The following ACOT11 variants were observed in gnomAD, a reference collection of about 807,000 sequenced individuals.
The protein encoded by ACOT11 is acyl-CoA thioesterase 11.
In ACOT11, 69 loss-of-function variants were observed where a neutral mutation model predicts 77.5. That is an observed-to-expected ratio of 0.89 (90% confidence interval 0.73 to 1.09). The LOEUF (loss-of-function observed/expected upper bound fraction) is 1.09. Ranked by LOEUF, ACOT11 falls within the 50% of genes least tolerant of loss-of-function variation. The pLI, the probability that ACOT11 is intolerant of heterozygous loss-of-function variation, is 0.00. For missense variants in ACOT11, 766 were observed against 813.7 expected (o/e 0.94, Z 0.71); for synonymous variants, 279 against 313.0 (o/e 0.89, Z 1.15).
intron 6 of ACOT11, among the ~76,000 whole-genome samples, chr1:54,595,608 C>T (rs77017847): frequency 0.014 from 2,196 of 152,260 alleles, 41 homozygotes; most frequent in East Asian, 0.059. Context: ...TTATTTAGCT[C>T]CTGAAAAGGG....
rs979519263 is a variant in ACOT11 at position 54,633,273 on chromosome 1, A to T, written c.1783-1415A>T. On this transcript the variant is annotated intron_variant, in intron 16 of 16. Coordinates refer to the ACOT11 transcript ENST00000371316. The stretch of plus-strand genomic sequence containing the variant: ...TTTTAGAGAAATTAGTTGCTGAACA[A>T]TTAGAAAATGGGCACATAACTCCAA... 3.9e-5 allele frequency among the ~76,000 whole-genome samples: 6 copies of T among 152,254 alleles called. No individual in the cohort carries two copies. In the South Asian group the frequency reaches 8.3e-4, roughly 21 times the overall value.
intron 3 of ACOT11, among the ~76,000 whole-genome samples, chr1:54,588,005 G>A (rs1300787135): frequency 2.0e-5 from 3 of 152,108 alleles, no homozygotes. Flanking sequence ...TTGAGCTCAG[G>A]AGTTTGAGAC....
In ACOT11 at chr1:54,607,364, G is replaced by GC; in HGVS notation, c.1502+100dup. 1 of 1,559,184 alleles carries GC rather than the reference G, an allele frequency of 6.4e-7. No homozygotes were observed. The highest frequency in any genetic ancestry group is 8.7e-7 in the Non-Finnish European group (1 of 1,148,112). ...GGAAGGGCATCAGCCTGGAGCCAGA[G>GC]CTCTGCTTCCCATTGGCTGTGGGGC... On this transcript the variant is annotated intron_variant, in intron 14 of 15. Coordinates refer to ENST00000343744, the MANE Select transcript of ACOT11 (RefSeq NM_147161.4). This position sits in a 1 kb window ranked among gnomAD's most constrained non-coding sequence, Gnocchi z 4.5.
intron 1 of ACOT11, among the ~76,000 whole-genome samples, chr1:54,583,073 G>A (rs1416621575): frequency 1.3e-5 from 2 of 152,156 alleles, no homozygotes; most frequent in African/African-American, 4.8e-5. Flanking sequence ...TGCCTTGGCA[G>A]TGGTTACCAT....
rs528025715 is a variant in ACOT11, at chr1:54,597,314, G to A, written c.663G>A (p.Glu221=). ...RMVPAEKTRV[E]SVELVLPPHA... is the part of the protein sequence containing the mutation. Reference sequence around the variant, plus strand: ...TGCCGGCTGAGAAGACCCGTGTGGAGAGTGTGGAGCTGGTCCTGCCTCCCC... The same window carrying A: ...TGCCGGCTGAGAAGACCCGTGTGGAAAGTGTGGAGCTGGTCCTGCCTCCCC... The change falls in exon 7 of 16, where the codon GAG becomes GAA. Residue 221 remains glutamate, a synonymous_variant. Coordinates refer to ENST00000343744, the MANE Select transcript of ACOT11 (RefSeq NM_147161.4). 6.2e-7 allele frequency: 1 copy of A among 1,613,858 alleles called. No homozygotes were observed. Among genetic ancestry groups the A allele is most frequent in the South Asian group, 1.1e-5 (1 of 91,078 alleles).
intron 7 of ACOT11, chr1:54,598,387 C>A (rs1643914120): frequency 6.6e-6 from 1 of 152,360 alleles, no homozygotes; most frequent in Admixed American, 6.5e-5. Flanking sequence ...TTCTTCTGTC[C>A]CCTCAAACTT....
In ACOT11 at chr1:54,616,186, A is replaced by G. The variant is rs746382735; in HGVS notation, c.1629+8118A>G. 1.5e-5 allele frequency: 24 copies of G among 1,603,260 alleles called. No homozygotes were observed. The African/African-American group carries it at 2.1e-4, about 14-fold the overall frequency. ...CTGTGATGTTGCCTGTGGAAGGGGCAACAACTCAGTGAGTTCCTTTTTTTA... is the reference window on the plus strand; with the variant it reads ...CTGTGATGTTGCCTGTGGAAGGGGCGACAACTCAGTGAGTTCCTTTTTTTA... On this transcript the variant is annotated intron_variant, in intron 15 of 16. Coordinates refer to the ACOT11 transcript ENST00000371316.
chr1:54,591,943 AT>A (rs1654726878), intron 3 of ACOT11, among the ~76,000 whole-genome samples: 1 of 152,178 alleles, frequency 6.6e-6, no homozygotes, highest in Non-Finnish European at 1.5e-5. Flanking sequence ...TTCTTTAAAC[AT>A]TTCCTTTTCT....
chr1:54,548,600 G>A (rs751430005), intron 1 of ACOT11: 36 of 571,706 alleles, frequency 6.3e-5, no homozygotes, highest in African/African-American at 1.7e-4. Flanking sequence ...AGCAAGTGTC[G>A]GCCTCTGGAA....
downstream of ACOT11, among the ~76,000 whole-genome samples, chr1:54,612,249 A>G (rs1050085547): frequency 6.6e-6 from 1 of 151,802 alleles, no homozygotes; most frequent in Non-Finnish European, 1.5e-5. Flanking sequence ...GTGTCTTGGT[A>G]TAAATATTTT....
At chr1:54,614,992 G>T, downstream of ACOT11, 1 of 852,068 alleles carries the variant, frequency 1.2e-6, no homozygotes, top group Non-Finnish European at 1.8e-6. Context: ...AGGGCGGAAG[G>T]ACCAGCACCA....
At position 54,584,975 on chromosome 1, in the gene ACOT11, G is replaced by A; in HGVS notation, c.241+113G>A. ...AGTGCCACACTTGTTTCTCATCTTG[G>A]CCTTTGCTCATGCTGGTCCCTTTGT... is the stretch of plus-strand genomic sequence containing the variant. On this transcript the variant is annotated intron_variant, in intron 2 of 15. Transcript: ENST00000343744. The surrounding 1 kb of genome is among the most constrained non-coding windows in gnomAD (Gnocchi z 6.3). 2.5e-6 allele frequency: 3 copies of A among 1,191,194 alleles called. No homozygotes were observed. The highest frequency in any genetic ancestry group is 3.5e-6 in the Non-Finnish European group (3 of 856,050). The allele number at this position is 1,191,194 out of a possible 1,614,324, so 73.8% of individuals were successfully genotyped here. A position where few individuals can be genotyped will look rare whatever the true frequency, so the allele number is the denominator to read the frequency against.
rs181262424 is a variant in ACOT11, at chr1:54,631,143, G to A, written c.1782+257G>A. On this transcript the variant is annotated intron_variant, in intron 16 of 16. Coordinates refer to the ACOT11 transcript ENST00000371316. The stretch of plus-strand genomic sequence containing the variant: ...ATGACTCCCCAGATCTTTCTTTTCC[G>A]GAGGACACTGGGCGAAAAGTAGTTG... 8.7e-4 allele frequency among the ~76,000 whole-genome samples: 132 copies of A among 152,098 alleles called. No individual in the cohort carries two copies. In the Middle Eastern group the frequency reaches 0.01, roughly 12 times the overall value.
At chr1:54,634,935 C>T (rs1644322925) in exon 17 of ACOT11, 1 of 510,148 alleles carries the variant, frequency 2.0e-6, no homozygotes. Flanking sequence ...CAACCAGTCA[C>T]AATGAATAAT....
At chr1:54,634,256 T>G (rs975795592) in intron 16 of ACOT11, among the ~76,000 whole-genome samples, 9 of 152,222 alleles carry the variant, frequency 5.9e-5, no homozygotes, top group Non-Finnish European at 1.2e-4. Context: ...ATTCACTAAT[T>G]GGATTCTCCC....
intron 1 of ACOT11, among the ~76,000 whole-genome samples, chr1:54,565,136 T>TG (rs1653690663): frequency 6.6e-6 from 1 of 152,156 alleles, no homozygotes; most frequent in Non-Finnish European, 1.5e-5. Context: ...AAGACTGAAC[T>TG]GGAGCTTCCA....
At position 54,629,149 on chromosome 1, in the gene ACOT11, C is replaced by T. The variant is rs1374981267; in HGVS notation, c.1630-1585C>T. Among the ~76,000 whole-genome samples, 2 of 132,002 alleles carry T rather than the reference C, an allele frequency of 1.5e-5. 1 individual carries two copies. Among genetic ancestry groups the T allele is most frequent in the Non-Finnish European group, 3.4e-5 (2 of 58,714 alleles). 86.6% of individuals were successfully genotyped at this position (132,002 alleles called of 152,430 possible). On this transcript the variant is annotated intron_variant, in intron 15 of 16. Transcript: ENST00000371316. ...AAAATTTCAGGGAAAATAAGCAGTT[C>T]CCTGTCAACAACCCCAAAAATCATA... is the stretch of plus-strand genomic sequence containing the variant.
At chr1:54,620,741 C>T (rs564720798) in intron 15 of ACOT11, among the ~76,000 whole-genome samples, 11 of 144,722 alleles carry the variant, frequency 7.6e-5, no homozygotes, top group Non-Finnish European at 1.2e-4. Context: ...CCCAGCTACT[C>T]GGGAGGCTGA....
In ACOT11 at chr1:54,609,156, TCC is replaced by T. The variant is rs760583524; in HGVS notation, c.*47_*48del. ...TCATGCCCACTCCCACTCCATCCTG[TCC>T]CCAAGGACTCACATACAGTGCCTGG... On this transcript the variant is annotated 3_prime_UTR_variant, in exon 16 of 16. Coordinates refer to ENST00000343744, the MANE Select transcript of ACOT11 (RefSeq NM_147161.4). 6 of 1,612,772 alleles carry T rather than the reference TCC, an allele frequency of 3.7e-6. No individual in the cohort carries two copies. In the South Asian group the frequency reaches 5.5e-5, roughly 15 times the overall value.
Sources: allele counts gnomAD v4.1 joint callset (sites outside exome capture counted in the v4.1 genomes callset), GRCh38; gene constraint gnomAD v4.1.1; non-coding constraint Gnocchi (gnomAD v3.1); transcripts MANE v1.5; gene names NCBI Gene and HGNC (gene_info 2026-07-23, HGNC 2026-07-21).